Variants in PCDHGA1 observed in about 807,000 individuals in gnomAD.
PCDHGA1 encodes the protein protocadherin gamma-A1.
PCDHGA1 carries 32 observed loss-of-function variants against 58.0 expected under a neutral mutation model. That is an observed-to-expected ratio of 0.55 (90% CI 0.42 to 0.74). PCDHGA1 has a LOEUF of 0.74. Ranked by LOEUF, PCDHGA1 falls within the 30% of genes least tolerant of loss-of-function variation. The pLI is 0.00. For synonymous variants in PCDHGA1, 498 were observed against 501.1 expected (o/e 0.99, Z 0.08); for missense variants, 1,205 against 1,182.3 (o/e 1.02, Z -0.28).
intron 1 of PCDHGA1, chr5:141,350,905 G>A (rs1446048202): frequency 6.2e-7 from 1 of 1,614,058 alleles, no homozygotes. Context: ...TGGATGGCGG[G>A]GACCCGCCTC....
At chr5:141,481,913 CAAA>C (rs34114744) in intron 1 of PCDHGA1, among the ~76,000 whole-genome samples, 50 of 90,788 alleles carry the variant, frequency 5.5e-4, no homozygotes, top group African/African-American at 7.1e-4. Flanking sequence ...AACTCCATCT[CAAA>C]AAAAAAAAAA....
intron 1 of PCDHGA1, chr5:141,427,448 TC>T (rs1355717683): frequency 6.2e-6 from 3 of 484,982 alleles, no homozygotes; most frequent in Non-Finnish European, 1.2e-5. Flanking sequence ...ACGAAAGAGT[TC>T]CTTTTAGAAT....
At chr5:141,342,750 G>C (rs936790409) in intron 1 of PCDHGA1, 1 of 152,184 alleles carries the variant, frequency 6.6e-6, no homozygotes, top group Admixed American at 6.5e-5. Flanking sequence ...GATATGTAAT[G>C]CATCATGATT....
At chr5:141,352,717 C>T (rs761909710) in intron 1 of PCDHGA1, 10 of 1,537,788 alleles carry the variant, frequency 6.5e-6, no homozygotes, top group Admixed American at 2.0e-5. Context: ...CGGCCGGGCG[C>T]GGTGGCTCAA....
intron 1 of PCDHGA1, among the ~76,000 whole-genome samples, chr5:141,454,900 C>T (rs1411402448): frequency 1.4e-5 from 2 of 145,486 alleles, no homozygotes; most frequent in African/African-American, 2.6e-5. Flanking sequence ...CACCGCCTCC[C>T]GGGTTCACGC....
chr5:141,368,654 A>G (rs1278983703), intron 1 of PCDHGA1, among the ~76,000 whole-genome samples: 1 of 152,204 alleles, frequency 6.6e-6, no homozygotes, highest in Admixed American at 6.5e-5. Flanking sequence ...GCAATGGAAA[A>G]ATATCTTTAA....
At chr5:141,395,198 A>G (rs2093194899) in intron 1 of PCDHGA1, 1 of 1,613,990 alleles carries the variant, frequency 6.2e-7, no homozygotes, top group Non-Finnish European at 8.5e-7. Flanking sequence ...TAACATCCGT[A>G]GATTTTCATG....
intron 1 of PCDHGA1, chr5:141,344,298 A>T: frequency 6.2e-7 from 1 of 1,614,114 alleles, no homozygotes; most frequent in South Asian, 1.1e-5. Context: ...CACCGCGGAG[A>T]GGATAGACCG....
At chr5:141,438,630 A>T (rs1232206839) in intron 1 of PCDHGA1, among the ~76,000 whole-genome samples, 1 of 38,920 alleles carries the variant, frequency 2.6e-5, no homozygotes, top group East Asian at 8.1e-4. Context: ...ATATATATAT[A>T]TATATACACA....
Position 141,331,915 on chromosome 5 carries a change from G to A in PCDHGA1, c.1231G>A (p.Asp411Asn), listed in dbSNP as rs777826092. 2 of 1,614,106 alleles carry A rather than the reference G, an allele frequency of 1.2e-6. No homozygotes were observed. The highest frequency in any genetic ancestry group is 1.6e-4 in the Middle Eastern group (1 of 6,062). ...YYRLVTERTL[D>N]RELISGYNIT... is the part of the protein sequence containing the mutation. ...CCGTTTAGTGACTGAAAGAACACTG[G>A]ACAGAGAACTTATCTCTGGGTACAA... The change falls in exon 1 of 4, where the codon GAC (aspartate) becomes AAC (asparagine). Residue 411 changes from aspartate to asparagine, a missense_variant. Physicochemically the swap from Asp to Asn is conservative, Grantham distance 23. Coordinates refer to ENST00000517417, the MANE Select transcript of PCDHGA1 (RefSeq NM_018912.3).
In PCDHGA1 at chr5:141,351,619, T is replaced by C. The variant is rs200864490; in HGVS notation, c.2421+18514T>C. 1,007 of 1,614,032 alleles carry C rather than the reference T, an allele frequency of 6.2e-4. 7 individuals carry two copies. The South Asian group carries it at 7.4e-3, about 12-fold the overall frequency. ...CACCTGTTTTCCATCAGGCCTCCTA[T>C]GTGGTCCACGTGTCTGAGAACAACC... On this transcript the variant is annotated intron_variant, in intron 1 of 3. Transcript: ENST00000517417.
At chr5:141,415,438 C>A in intron 1 of PCDHGA1, 1 of 1,614,218 alleles carries the variant, frequency 6.2e-7, no homozygotes, top group South Asian at 1.1e-5. Flanking sequence ...GGCTTTCCTG[C>A]AGACCTATTC....
At chr5:141,435,730 T>C (rs913229799) in intron 1 of PCDHGA1, among the ~76,000 whole-genome samples, 1 of 152,226 alleles carries the variant, frequency 6.6e-6, no homozygotes, top group African/African-American at 2.4e-5. Context: ...TAAAGTGTAT[T>C]ACTCTTTGAA....
intron 1 of PCDHGA1, chr5:141,426,585 T>C (rs2096944493): frequency 2.8e-6 from 1 of 358,848 alleles, no homozygotes; most frequent in African/African-American, 2.1e-5. Flanking sequence ...CAAAATCCTC[T>C]GTGTCATACC....
intron 1 of PCDHGA1, chr5:141,360,666 C>T (rs79500662): frequency 0.014 from 21,810 of 1,613,996 alleles, 195 homozygotes; most frequent in Non-Finnish European, 0.016. Context: ...ACAACGAGTA[C>T]TTTGATCTCG....
Position 141,477,198 on chromosome 5 carries a change from TACCCGAGGATG to T in PCDHGA1, c.2422-17608_2422-17598del. 6.2e-7 allele frequency: 1 copy of T among 1,614,194 alleles called. No homozygotes were observed. The highest frequency in any genetic ancestry group is 2.2e-5 in the East Asian group (1 of 44,874). On this transcript the variant is annotated intron_variant, in intron 1 of 3. Transcript: ENST00000517417. The surrounding 1 kb of genome is among the most constrained non-coding windows in gnomAD (Gnocchi z 4.9). ...ACAGTCACCTCCGTGTACAGCCCAG[TACCCGAGGATG>T]CCCCTCTGGGGACTGTCATCGCTTT...
At chr5:141,421,376 C>T in intron 1 of PCDHGA1, 2 of 1,614,030 alleles carry the variant, frequency 1.2e-6, no homozygotes, top group Non-Finnish European at 1.7e-6. Context: ...GGCAATATCT[C>T]CAAGGACCTG....
At position 141,511,420 on chromosome 5, in the gene PCDHGA1, G is replaced by A; in HGVS notation, c.*247G>A. On this transcript the variant is annotated 3_prime_UTR_variant, in exon 4 of 4. Coordinates refer to ENST00000517417, the MANE Select transcript of PCDHGA1 (RefSeq NM_018912.3). ...TCCAATCAACTGCTGTACCCATGGG[G>A]GTAGTGGGGTTACTGTAGACACCAA... 2.4e-6 allele frequency: 2 copies of A among 830,862 alleles called. No individual in the cohort carries two copies. Among genetic ancestry groups the A allele is most frequent in the Non-Finnish European group, 1.8e-6 (1 of 557,336 alleles). The allele number at this position is 830,862 out of a possible 1,614,324, so 51.5% of individuals were successfully genotyped here.
At chr5:141,510,898 T>C in intron 3 of PCDHGA1, 49 bp from the exon 4 acceptor site, 1 of 1,613,278 alleles carries the variant, frequency 6.2e-7, no homozygotes, top group Non-Finnish European at 8.5e-7. Context: ...ACAGTGACTG[T>C]TGAGGACCCT....
Sources: gnomAD v4.1 joint callset for allele counts (sites outside exome capture counted in the v4.1 genomes callset) on GRCh38, gnomAD v4.1.1 for gene constraint, Gnocchi (gnomAD v3.1) non-coding constraint, MANE v1.5 for transcripts, NCBI Gene and HGNC (gene_info 2026-07-23, HGNC 2026-07-21) for gene names.